IL1RAPL2: variants seen among roughly 807,000 people sequenced by gnomAD.
IL1RAPL2 encodes the protein X-linked interleukin-1 receptor accessory protein-like 2.
Under a neutral mutation model 44.1 loss-of-function variants are expected in IL1RAPL2, and 3 were observed. The ratio of observed to expected loss-of-function variants is 0.07; its 90% CI spans 0.03 to 0.18. IL1RAPL2 has a LOEUF of 0.18. Among genes scored for constraint, IL1RAPL2 ranks in the 10% least tolerant of loss-of-function variants. The pLI, the probability that IL1RAPL2 is intolerant of heterozygous loss-of-function variation, is 1.00. For synonymous variants in IL1RAPL2, 181 were observed against 178.8 expected (o/e 1.01, Z -0.10); for missense variants, 391 against 496.4 (o/e 0.79, Z 2.02).
chrX:104,878,254 C>T (rs771344053), intron 2 of IL1RAPL2, among the ~76,000 whole-genome samples: 1 of 111,664 alleles, frequency 9.0e-6, no homozygotes, highest in East Asian at 2.8e-4. Context: ...ATTATACCAT[C>T]CCTGATGTGA....
chrX:105,030,645 G>A (rs1156584611), intron 2 of IL1RAPL2, among the ~76,000 whole-genome samples: 1 of 111,711 alleles, frequency 9.0e-6, no homozygotes, highest in Admixed American at 9.5e-5. Flanking sequence ...TTTGGTTACT[G>A]TAGCCTTGTA....
chrX:105,032,141 C>T (rs1274793098), intron 2 of IL1RAPL2, among the ~76,000 whole-genome samples: 6 of 110,791 alleles, frequency 5.4e-5, no homozygotes, highest in African/African-American at 1.6e-4. Flanking sequence ...GTCTTGCTAG[C>T]GGTCTATCAA....
intron 2 of IL1RAPL2, among the ~76,000 whole-genome samples, chrX:104,891,839 G>A (rs1239331665): frequency 1.8e-5 from 2 of 111,661 alleles, no homozygotes; most frequent in African/African-American, 3.3e-5. Context: ...ATGTTGAATA[G>A]GAGTGGTGAG....
intron 6 of IL1RAPL2, among the ~76,000 whole-genome samples, chrX:105,518,740 A>G (rs1322995396): frequency 1.8e-5 from 2 of 111,981 alleles, no homozygotes; most frequent in East Asian, 2.8e-4. Flanking sequence ...CTTCCAGGTT[A>G]CCATATACTA....
intron 6 of IL1RAPL2, among the ~76,000 whole-genome samples, chrX:105,570,465 T>A (rs1024325121): frequency 1.8e-5 from 2 of 112,246 alleles, no homozygotes; most frequent in Non-Finnish European, 3.8e-5. Flanking sequence ...AGATACCCAC[T>A]AGTGGGACTT....
chrX:104,818,530 G>C (rs1443583136), intron 2 of IL1RAPL2, among the ~76,000 whole-genome samples: 1 of 109,422 alleles, frequency 9.1e-6, no homozygotes, highest in Non-Finnish European at 1.9e-5. Context: ...CGGGGCCATA[G>C]AGGGTGAGGA....
At chrX:105,719,835 T>C (rs900505648) in intron 7 of IL1RAPL2, among the ~76,000 whole-genome samples, 1 of 111,743 alleles carries the variant, frequency 8.9e-6, no homozygotes, top group African/African-American at 3.2e-5. Context: ...GATTCTAAAG[T>C]ATTAATTGCC....
At chrX:105,233,658 G>A (rs1346180525) in intron 3 of IL1RAPL2, among the ~76,000 whole-genome samples, 160 bp from the exon 4 acceptor site, 2 of 112,372 alleles carry the variant, frequency 1.8e-5, no homozygotes, top group African/African-American at 6.5e-5. Flanking sequence ...ATATCTTCTA[G>A]TCAGTTGCAG....
intron 2 of IL1RAPL2, among the ~76,000 whole-genome samples, chrX:104,890,871 C>G (rs778212766): frequency 8.9e-6 from 1 of 111,786 alleles, no homozygotes; most frequent in African/African-American, 3.2e-5. Context: ...GAAGTCCTTG[C>G]CCATGCCTAT....
At chrX:105,153,245 A>G (rs1014523455) in intron 2 of IL1RAPL2, among the ~76,000 whole-genome samples, 2 of 112,385 alleles carry the variant, frequency 1.8e-5, no homozygotes, top group African/African-American at 6.5e-5. Flanking sequence ...GGTAAATACC[A>G]TTTTAACATA....
intron 2 of IL1RAPL2, among the ~76,000 whole-genome samples, chrX:104,710,222 G>T (rs769731114): frequency 4.5e-5 from 5 of 111,377 alleles, no homozygotes; most frequent in Non-Finnish European, 9.5e-5. Flanking sequence ...TTGCCAAAAG[G>T]TGCAAATGGG....
intron 2 of IL1RAPL2, among the ~76,000 whole-genome samples, chrX:104,678,089 G>A (rs772827657): frequency 1.8e-5 from 2 of 112,685 alleles, no homozygotes; most frequent in Non-Finnish European, 3.8e-5. Flanking sequence ...GTAGACCAGA[G>A]CTGTTCCTAT....
chrX:105,357,695 C>T (rs750804244), intron 5 of IL1RAPL2, among the ~76,000 whole-genome samples: 125 of 105,303 alleles, frequency 1.2e-3, no homozygotes, highest in Middle Eastern at 4.7e-3. Flanking sequence ...ATGGATATAA[C>T]GGCTGCATTG....
At chrX:105,041,069 G>A (rs1191032885) in intron 2 of IL1RAPL2, among the ~76,000 whole-genome samples, 1 of 102,218 alleles carries the variant, frequency 9.8e-6, no homozygotes, top group Non-Finnish European at 2.0e-5. Context: ...AGAGATTCTG[G>A]TATGTTGTGT....
chrX:105,039,634 T>C (rs911738074), intron 2 of IL1RAPL2, among the ~76,000 whole-genome samples: 10 of 111,716 alleles, frequency 9.0e-5, no homozygotes, highest in Non-Finnish European at 1.9e-4. Context: ...TATTTTATTC[T>C]CTTTGAAGCA....
At chrX:105,205,908 A>G (rs1169949295) in intron 3 of IL1RAPL2, among the ~76,000 whole-genome samples, 1 of 110,484 alleles carries the variant, frequency 9.1e-6, no homozygotes, top group African/African-American at 3.3e-5. Flanking sequence ...TTGAGAAGCA[A>G]TTGTATTAGT....
intron 6 of IL1RAPL2, among the ~76,000 whole-genome samples, chrX:105,607,768 G>T (rs956272026): frequency 9.1e-6 from 1 of 109,532 alleles, no homozygotes; most frequent in African/African-American, 3.3e-5. Context: ...TATCACTAGA[G>T]GACAGTTCTT....
chrX:105,085,591 C>A (rs928512548), intron 2 of IL1RAPL2, among the ~76,000 whole-genome samples: 2 of 111,950 alleles, frequency 1.8e-5, no homozygotes, highest in African/African-American at 3.2e-5. Flanking sequence ...GTAAGCACAG[C>A]CATTATGGAA....
chrX:104,662,008 G>C (rs1263578927), intron 2 of IL1RAPL2, among the ~76,000 whole-genome samples: 1 of 112,314 alleles, frequency 8.9e-6, no homozygotes, highest in South Asian at 3.7e-4. Context: ...TACAACTGCT[G>C]TTGCTAATGG....
Sources: gnomAD v4.1 joint callset for allele counts (sites outside exome capture counted in the v4.1 genomes callset) on GRCh38, gnomAD v4.1.1 for gene constraint, MANE v1.5 for transcripts, NCBI Gene and HGNC (gene_info 2026-07-23, HGNC 2026-07-21) for gene names.